The following SAMD9 variants were observed in gnomAD, a reference collection of about 807,000 sequenced individuals.
The protein encoded by SAMD9 is sterile alpha motif domain containing 9.
SAMD9 carries 3 observed loss-of-function variants against 1.5 expected under a neutral mutation model. The observed-to-expected ratio is 2.05, with a 90% CI of 0.93 to 5.29. The LOEUF is 5.29. SAMD9 is among the 30% of genes most tolerant of loss of function. The pLI, the probability that SAMD9 is intolerant of heterozygous loss-of-function variation, is 0.02. For missense variants in SAMD9, 1,597 were observed against 1,820.8 expected (o/e 0.88, Z 2.24); for synonymous variants, 635 against 631.9 (o/e 1.00, Z -0.07).
Position 93,105,376 on chromosome 7 carries a change from TC to T in SAMD9, c.721del (p.Asp241ThrfsTer26), listed in dbSNP as rs1432439729. On this transcript the variant is annotated frameshift_variant, in exon 3 of 3. Coordinates refer to ENST00000379958, the MANE Select transcript of SAMD9 (RefSeq NM_017654.4). LOFTEE classifies it low-confidence loss of function (END_TRUNC). The part of the protein sequence containing the change: ...TNGTIHFGVK[D>X]KPHGKIVGIK... Reference sequence around the variant, plus strand: ...GCCAACAATTTTCCCATGGGGTTTGTCTTTGACTCCAAAATGAATAGTGCCA... The same window carrying T: ...GCCAACAATTTTCCCATGGGGTTTGTTTTGACTCCAAAATGAATAGTGCCA... 2 of 1,613,944 alleles carry T rather than the reference TC, an allele frequency of 1.2e-6. No homozygotes were observed. The highest frequency in any genetic ancestry group is 1.3e-5 in the African/African-American group (1 of 74,920).
rs774962440 is a variant in SAMD9, at chr7:93,101,990, T to C, written c.4108A>G (p.Thr1370Ala). The stretch of plus-strand genomic sequence containing the variant: ...ACAGTGCATTGTTCTAAGAGAAAAG[T>C]ATATTCGTTCACTATACATTTCATA... ...STMKCIVNEY[T>A]FLLEQCTVKI... is the part of the protein sequence containing the mutation. The change falls in exon 3 of 3, where the codon ACT (threonine) becomes GCT (alanine). Residue 1370 changes from threonine to alanine, a missense_variant. By Grantham distance (58) the Thr-to-Ala change is moderately conservative (BLOSUM62 0). Transcript: ENST00000379958. The C allele has an allele frequency of 2.5e-6, 4 of 1,613,670 alleles. No homozygotes were observed. Among genetic ancestry groups the C allele is most frequent in the Non-Finnish European group, 2.5e-6 (3 of 1,179,770 alleles).
chr7:93,103,935 A>G lies in SAMD9; in HGVS notation c.2163T>C (p.Cys721=). 6.2e-7 allele frequency: 1 copy of G among 1,613,764 alleles called. No homozygotes were observed. The highest frequency in any genetic ancestry group is 8.5e-7 in the Non-Finnish European group (1 of 1,179,704). The change falls in exon 3 of 3, where the codon TGT becomes TGC. Residue 721 remains cysteine, a synonymous_variant. Transcript: ENST00000379958. ...TACTTGTTGGTTTAGAAGAATCTGC[A>G]CAGTTTTGAATCATTGCTTCAAGTC... ...YERLEAMIQN[C]ADSSKPTSTK...
intron 2 of SAMD9, among the ~76,000 whole-genome samples, chr7:93,108,269 C>A (rs548789314): frequency 1.3e-5 from 2 of 152,310 alleles, no homozygotes; most frequent in East Asian, 3.9e-4. Context: ...GTCCTCCCTT[C>A]ACACGCATGT....
intron 2 of SAMD9, among the ~76,000 whole-genome samples, chr7:93,106,834 C>G (rs1791654599): frequency 6.6e-6 from 1 of 152,118 alleles, no homozygotes; most frequent in Admixed American, 6.5e-5. Context: ...TGTCATTGAC[C>G]CAGGACCTCT....
chr7:93,113,493 A>G (rs574725710), intron 2 of SAMD9, among the ~76,000 whole-genome samples: 1 of 152,366 alleles, frequency 6.6e-6, no homozygotes, highest in East Asian at 1.9e-4. Flanking sequence ...CAGCAAAAGA[A>G]ACTATCATCA....
rs1487303191 is a variant in SAMD9, at chr7:93,105,741, G to A, written c.357C>T (p.Asn119=). 1 of 1,613,968 alleles carries A rather than the reference G, an allele frequency of 6.2e-7. No homozygotes were observed. Residue 119 remains asparagine (N), a synonymous_variant, in exon 3 of 3, where the codon AAC becomes AAT. Coordinates refer to ENST00000379958, the MANE Select transcript of SAMD9 (RefSeq NM_017654.4). ...TSKQKQKGKE[N]PDMANPSAMS... is the part of the protein sequence containing the mutation. ...TTGCAGACGGATTAGCCATATCTGG[G>A]TTCTCTTTACCCTTTTGTTTTTGCT...
At position 93,103,456 on chromosome 7, in the gene SAMD9, T is replaced by C. The variant is rs140921998; in HGVS notation, c.2642A>G (p.Asp881Gly). 0.016 allele frequency: 25,588 copies of C among 1,612,858 alleles called. 334 individuals are homozygous for C. Among genetic ancestry groups the C allele is most frequent in the Middle Eastern group, 0.024 (148 of 6,054 alleles). Residue 881 changes from aspartate to glycine, a missense_variant, in exon 3 of 3, where the codon GAT becomes GGT. Transcript: ENST00000379958. ...TTTCATGATCATAAAGGAATAAAAA[T>C]CCTCAAAGTTTTTATGCTGTTCTTT... ...EIKEQHKNFE[D>G]FYSFMIMKTN...
rs1791809001 is a variant in SAMD9 at position 93,114,861 on chromosome 7, C to T, written c.-75G>A. Reference sequence around the variant, plus strand: ...GGTGATGTAGGAGATCACAAAAGGCCACCTATTCACCCACTGCAACCATGA... The same window carrying T: ...GGTGATGTAGGAGATCACAAAAGGCTACCTATTCACCCACTGCAACCATGA... On this transcript the variant is annotated 5_prime_UTR_variant, in exon 2 of 3. Transcript: ENST00000379958. The T allele has an allele frequency of 1.3e-5, 2 of 152,232 alleles. No individual in the cohort carries two copies. Among genetic ancestry groups the T allele is most frequent in the East Asian group, 3.9e-4 (2 of 5,190 alleles). The allele number at this position is 152,232 out of a possible 1,614,324, so 9.4% of individuals were successfully genotyped here. A position where few individuals can be genotyped will look rare whatever the true frequency, so the allele number is the denominator to read the frequency against.
chr7:93,103,871 C>T lies in SAMD9; in HGVS notation c.2227G>A (p.Gly743Arg). 1 of 1,613,948 alleles carries T rather than the reference C, an allele frequency of 6.2e-7. No homozygotes were observed. The highest frequency in any genetic ancestry group is 8.5e-7 in the Non-Finnish European group (1 of 1,179,878). The change falls in exon 3 of 3, where the codon GGA (glycine) becomes AGA (arginine). Residue 743 changes from glycine to arginine, a missense_variant. Physicochemically the swap from Gly to Arg is moderately radical, Grantham distance 125. Coordinates refer to ENST00000379958, the MANE Select transcript of SAMD9 (RefSeq NM_017654.4). Reference protein sequence around the residue: ...IHLYHHPGCGGTTLAMHILWE... With the variant: ...IHLYHHPGCGRTTLAMHILWE... ...AGAATGTGCATAGCCAAGGTAGTTC[C>T]CCCACAGCCTGGATGATGATACAGA...
rs371690121 is a variant in SAMD9 at position 93,104,382 on chromosome 7, A to G, written c.1716T>C (p.Asn572=). Reference sequence around the variant, plus strand: ...GTGGGTGCACACAAATACACAGTATATTTTCCATTCCTTTGAGATCCTGGT... The same window carrying G: ...GTGGGTGCACACAAATACACAGTATGTTTTCCATTCCTTTGAGATCCTGGT... ...AFYQDLKGME[N]ILCICVHPHI... is the part of the protein sequence containing the mutation. Residue 572 remains asparagine (N), a synonymous_variant, in exon 3 of 3, where the codon AAT becomes AAC. Transcript: ENST00000379958. The G allele has an allele frequency of 1.6e-5, 26 of 1,613,922 alleles. No individual in the cohort carries two copies. The highest frequency in any genetic ancestry group is 2.2e-5 in the Non-Finnish European group (26 of 1,179,864).
intron 2 of SAMD9, 21 bp downstream of exon 2, chr7:93,114,774 T>G (rs1256366994): frequency 6.6e-6 from 1 of 152,144 alleles, no homozygotes; most frequent in Admixed American, 6.5e-5. Context: ...ATTGAGCAAA[T>G]TCTTAAAAAA....
In SAMD9 at chr7:93,103,078, A is replaced by G; in HGVS notation, c.3020T>C (p.Ile1007Thr). The G allele has an allele frequency of 6.2e-7, 1 of 1,613,836 alleles. No individual in the cohort carries two copies. Among genetic ancestry groups the G allele is most frequent in the East Asian group, 2.2e-5 (1 of 44,870 alleles). ...ATTCTCAGTTAGCATATCCAACATA[A>G]TTTGACTTTTATTCAGGTGATAGCT... ...KKSYHLNKSQ[I>T]MLDMLTENLF... The change falls in exon 3 of 3, where the codon ATT becomes ACT. Residue 1007 changes from isoleucine (I) to threonine (T), a missense_variant. Ile to Thr is a moderately conservative substitution (Grantham distance 89). Transcript: ENST00000379958.
rs1334986461 is a variant in SAMD9, at chr7:93,103,240, G to A, written c.2858C>T (p.Thr953Ile). ...GCCCATCTTGTCTTCAAATTTTTCTGTCCCCCAGAAAGCCTTCTTGTTTCC... is the reference window on the plus strand; with the variant it reads ...GCCCATCTTGTCTTCAAATTTTTCTATCCCCCAGAAAGCCTTCTTGTTTCC... ...GIGNKKAFWG[T>I]EKFEDKMGTY... is the part of the protein sequence containing the mutation. Residue 953 changes from threonine to isoleucine, a missense_variant, in exon 3 of 3, where the codon ACA becomes ATA. Thr to Ile is a moderately conservative substitution (Grantham distance 89). Around this residue, in one of 6 missense-constraint regions of SAMD9, gnomAD observed 682 missense variants for 810.0 expected, o/e 0.84. Transcript: ENST00000379958. The A allele has an allele frequency of 6.2e-7, 1 of 1,613,456 alleles. No individual in the cohort carries two copies. The highest frequency in any genetic ancestry group is 8.5e-7 in the Non-Finnish European group (1 of 1,179,700).
At chr7:93,113,920 A>G (rs1791789301) in intron 2 of SAMD9, among the ~76,000 whole-genome samples, 1 of 152,164 alleles carries the variant, frequency 6.6e-6, no homozygotes, top group African/African-American at 2.4e-5. Context: ...AACTAGAAAT[A>G]CCATTTGACC....
intron 2 of SAMD9, among the ~76,000 whole-genome samples, chr7:93,107,644 A>G (rs529911233): frequency 1.9e-4 from 29 of 152,340 alleles, no homozygotes; most frequent in African/African-American, 7.0e-4. Flanking sequence ...AGTTCATGAA[A>G]TAATACACAG....
At chr7:93,110,210 C>T (rs1264519434) in intron 2 of SAMD9, among the ~76,000 whole-genome samples, 1 of 152,088 alleles carries the variant, frequency 6.6e-6, no homozygotes, top group Non-Finnish European at 1.5e-5. Flanking sequence ...CCAAACTAAG[C>T]TTCATAAGTG....
In SAMD9 at chr7:93,105,038, T is replaced by C. The variant is rs1188050221; in HGVS notation, c.1060A>G (p.Lys354Glu). 6.2e-7 allele frequency: 1 copy of C among 1,613,992 alleles called. No individual in the cohort carries two copies. Among genetic ancestry groups the C allele is most frequent in the Admixed American group, 1.7e-5 (1 of 60,008 alleles). The change falls in exon 3 of 3, where the codon AAA becomes GAA. Residue 354 changes from lysine to glutamate, a missense_variant. This residue lies in a region of SAMD9 where 498 missense variants were observed against 457.4 expected (regional missense o/e 1.09). Transcript: ENST00000379958. ...AATGCTCTGAAATCAACTTTATTTT[T>C]CGTAATGTCCTTAGAGCTGGTCCCA... Reference protein sequence around the residue: ...RDGTSSKDITKNKVDFRAFKA... With the variant: ...RDGTSSKDITENKVDFRAFKA...
Position 93,105,330 on chromosome 7 carries a change from G to C in SAMD9, c.768C>G (p.Thr256=), listed in dbSNP as rs185040724. Residue 256 remains threonine (T), a synonymous_variant, in exon 3 of 3, where the codon ACC becomes ACG. Coordinates refer to ENST00000379958, the MANE Select transcript of SAMD9 (RefSeq NM_017654.4). Reference sequence around the variant, plus strand: ...TGAAATGGTTAATGAGGGCTTCCTTGGTATCATTGGTGACTTTGATGCCAA... The same window carrying C: ...TGAAATGGTTAATGAGGGCTTCCTTCGTATCATTGGTGACTTTGATGCCAA... ...KIVGIKVTND[T]KEALINHFNL... is the part of the protein sequence containing the mutation. 2 of 1,613,828 alleles carry C rather than the reference G, an allele frequency of 1.2e-6. No homozygotes were observed. Among genetic ancestry groups the C allele is most frequent in the African/African-American group, 2.7e-5 (2 of 74,920 alleles).
rs1791590758 is a variant in SAMD9, at chr7:93,104,288, G to A, written c.1810C>T (p.Gln604Ter). The A allele has an allele frequency of 1.2e-6, 2 of 1,613,306 alleles. No homozygotes were observed. The highest frequency in any genetic ancestry group is 2.7e-5 in the African/African-American group (2 of 74,838). The change falls in exon 3 of 3, where the codon CAA becomes TAA. Residue 604 changes from glutamine to a stop codon, truncating the protein, a stop_gained. Coordinates refer to ENST00000379958, the MANE Select transcript of SAMD9 (RefSeq NM_017654.4). LOFTEE classifies it low-confidence loss of function (END_TRUNC). ...TCAAGGCTTAAAGCAGAAATACATT[G>A]GCTTGAAATTTCATCTTGGTGTTTT... ...LIKHQDEISS[Q>*]CISALSLEEI...
Sources: allele counts gnomAD v4.1 joint callset (sites outside exome capture counted in the v4.1 genomes callset), GRCh38; gene constraint gnomAD v4.1.1; regional missense constraint gnomAD v4.1.1; transcripts MANE v1.5; gene names NCBI Gene and HGNC (gene_info 2026-07-23, HGNC 2026-07-21).